PGAP6: variants seen among roughly 807,000 people sequenced by gnomAD.
The protein encoded by PGAP6 is post-GPI attachment to proteins factor 6.
In PGAP6, 62 loss-of-function variants were observed where a neutral mutation model predicts 68.4. The observed-to-expected ratio is 0.91, with a 90% CI of 0.74 to 1.12. The LOEUF is 1.12. Among genes scored for constraint, PGAP6 ranks in the 50% most tolerant of loss-of-function variants. The pLI, the probability that PGAP6 is intolerant of heterozygous loss-of-function variation, is 0.00. For missense variants in PGAP6, 1,188 were observed against 1,068.5 expected (o/e 1.11, Z -1.56); for synonymous variants, 575 against 474.0 (o/e 1.21, Z -2.77).
chr16:376,274 G>A lies in PGAP6; in HGVS notation c.1086C>T (p.Asp362=), dbSNP rs774485091. 3.8e-5 allele frequency: 62 copies of A among 1,612,692 alleles called. No individual in the cohort carries two copies. Among genetic ancestry groups the A allele is most frequent in the African/African-American group, 2.4e-4 (18 of 74,906 alleles). The change falls in exon 6 of 13, where the codon GAC becomes GAT. Residue 362 remains aspartate (D), a synonymous_variant. Transcript: ENST00000431232. ...GGGGCTGGAAGTGCACCGACACCAC[G>A]TCCATGTCCTCCCGCGTGACTGGGT... The part of the protein sequence containing the change: ...TNYPVTREDM[D]VVSVHFQPLD...
chr16:379,773 A>AGCCCCTCCAG (rs2054422592), intron 1 of PGAP6, among the ~76,000 whole-genome samples: 1 of 152,060 alleles, frequency 6.6e-6, no homozygotes, highest in Admixed American at 6.5e-5. Context: ...CAGGGCTCAC[A>AGCCCCTCCAG]GCCCCTCCAG....
At chr16:385,227 TGCA>T (rs2054473618), upstream of PGAP6, among the ~76,000 whole-genome samples, 3 of 151,870 alleles carry the variant, frequency 2.0e-5, no homozygotes, top group African/African-American at 7.2e-5. Context: ...CAAGGATGTT[TGCA>T]GCAGAACTGC....
upstream of PGAP6, chr16:386,932 G>A (rs769143362): frequency 2.9e-5 from 17 of 589,032 alleles, no homozygotes; most frequent in Middle Eastern, 2.9e-4. Flanking sequence ...CGCCGGAGGC[G>A]GCCTGAATAT....
chr16:380,912 A>T (rs1386941533), intron 1 of PGAP6, among the ~76,000 whole-genome samples: 1 of 152,152 alleles, frequency 6.6e-6, no homozygotes, highest in Non-Finnish European at 1.5e-5. Context: ...GCCAGAAAGG[A>T]CACGGCCCCT....
rs370754735 is a variant in PGAP6, at chr16:374,276, C to G, written c.1700G>C (p.Arg567Pro). The G allele has an allele frequency of 1.2e-6, 2 of 1,607,444 alleles. No individual in the cohort carries two copies. The change falls in exon 10 of 13, where the codon CGG becomes CCG. Residue 567 changes from arginine (R) to proline (P), a missense_variant. Transcript: ENST00000431232. Reference protein sequence around the residue: ...MFLAPIAVSVRRFFLVEASVY... With the variant: ...MFLAPIAVSVPRFFLVEASVY... ...GGAGGCCTCCACCAGGAAGAATCGC[C>G]GCACTGAGACGGCGATGGGGGCCAG...
rs1429411750 is a variant in PGAP6 at position 371,760 on chromosome 16, A to G, written c.*227T>C. ...CCAGGCCCCAGGGGCCACTGCAGAC[A>G]GCAGCTGGGATCTGCAGAGGGATCT... On this transcript the variant is annotated 3_prime_UTR_variant, in exon 13 of 13. Transcript: ENST00000431232. The G allele has an allele frequency of 4.1e-5, 22 of 541,686 alleles. No individual in the cohort carries two copies. Among genetic ancestry groups the G allele is most frequent in the Non-Finnish European group, 3.3e-6 (1 of 302,058 alleles). The allele number at this position is 541,686 out of a possible 1,614,324, so 33.6% of individuals were successfully genotyped here.
At chr16:382,821 G>A (rs1436476873), upstream of PGAP6, among the ~76,000 whole-genome samples, 1 of 152,110 alleles carries the variant, frequency 6.6e-6, no homozygotes, top group African/African-American at 2.4e-5. Flanking sequence ...ACTGGGAGGT[G>A]GGGGACACAG....
At chr16:372,816 T>A (rs961475769) in intron 11 of PGAP6, 89 bp from the exon 12 acceptor site, 18 of 906,360 alleles carry the variant, frequency 2.0e-5, no homozygotes, top group South Asian at 3.1e-5. Flanking sequence ...CCACAGCACC[T>A]CTGCCTGCCC....
In PGAP6 at chr16:374,767, C is replaced by T. The variant is rs2054365779; in HGVS notation, c.1565G>A (p.Ser522Asn). 2.5e-6 allele frequency: 4 copies of T among 1,612,528 alleles called. 1 individual carries two copies. The South Asian group carries it at 4.4e-5, about 18-fold the overall frequency. The change falls in exon 9 of 13, where the codon AGC (serine) becomes AAC (asparagine). Residue 522 changes from serine (S) to asparagine (N), a missense_variant. By Grantham distance (46) the Ser-to-Asn change is conservative. Coordinates refer to ENST00000431232, the MANE Select transcript of PGAP6 (RefSeq NM_021259.3). ...RRHSYLYASC[S>N]CKAGWRGWSC... ...GCCCTGGCACTCACCTGCCTTGCAG[C>T]TGCAGCTGGCATACAGGTAGCTGTG... is the stretch of plus-strand genomic sequence containing the variant.
At chr16:372,385 A>G in intron 12 of PGAP6, 102 bp from the exon 13 acceptor site, 1 of 1,323,098 alleles carries the variant, frequency 7.6e-7, no homozygotes, top group South Asian at 1.3e-5. Flanking sequence ...AGGTCTGGGC[A>G]GCAGAACGAC....
At chr16:383,654 G>A (rs891133113), upstream of PGAP6, among the ~76,000 whole-genome samples, 3 of 152,238 alleles carry the variant, frequency 2.0e-5, no homozygotes, top group Non-Finnish European at 4.4e-5. Context: ...TGTGTTCAAA[G>A]CTCTACCATT....
At chr16:380,645 C>A (rs746541834) in intron 1 of PGAP6, among the ~76,000 whole-genome samples, 1 of 152,240 alleles carries the variant, frequency 6.6e-6, no homozygotes, top group Non-Finnish European at 1.5e-5. Context: ...GGATTGCAGG[C>A]GTGAGCTTCG....
In PGAP6 at chr16:377,045, G is replaced by A. The variant is rs531457842; in HGVS notation, c.627C>T (p.Ser209=). 1.2e-6 allele frequency: 2 copies of A among 1,613,016 alleles called. No homozygotes were observed. The highest frequency in any genetic ancestry group is 2.2e-5 in the East Asian group (1 of 44,878). The change falls in exon 4 of 13, where the codon AGC becomes AGT. Residue 209 remains serine (S), a synonymous_variant. Coordinates refer to ENST00000431232, the MANE Select transcript of PGAP6 (RefSeq NM_021259.3). ...CCCAGGCCCCCGCTCACTTGAGGTA[G>A]CTGGGATGGGAGAGGAGGGTCTGAG... is the stretch of plus-strand genomic sequence containing the variant. The part of the protein sequence containing the change: ...PLPQTLLSHP[S]YLKVFVPDYT...
intron 11 of PGAP6, 36 bp from the exon 12 acceptor site, chr16:372,763 C>G: frequency 6.6e-7 from 1 of 1,516,996 alleles, no homozygotes; most frequent in South Asian, 1.2e-5. Context: ...AGGGACGTCT[C>G]TGAGGGCTCA....
chr16:377,860 A>C lies in PGAP6; in HGVS notation c.122-12T>G, dbSNP rs116346411. On this transcript the variant is annotated splice_polypyrimidine_tract_variant and intron_variant, in intron 1 of 12. Transcript: ENST00000431232. ...CACCAGCCCCACCTCTGTGAGGAGA[A>C]GGAGGTGTCAGCCAGGCCGGGACCC... 2.6e-3 allele frequency: 4,067 copies of C among 1,547,842 alleles called. 97 individuals are homozygous for C. The African/African-American group carries it at 0.047, about 18-fold the overall frequency.
upstream of PGAP6, chr16:382,091 A>AGCGG (rs2054447717): frequency 1.3e-4 from 38 of 282,620 alleles, 2 homozygotes; most frequent in African/African-American, 9.0e-4. Flanking sequence ...GGGCGCCGGT[A>AGCGG]GGGGGGAGGG....
rs1284656386 is a variant in PGAP6, at chr16:377,366, A to G, written c.507+12T>C. 1 of 1,577,492 alleles carries G rather than the reference A, an allele frequency of 6.3e-7. No homozygotes were observed. Among genetic ancestry groups the G allele is most frequent in the South Asian group, 1.1e-5 (1 of 88,088 alleles). ...GTTCTCTGCCTCCATCCCGGAGGGC[A>G]GCCCCCCTCACCTTCAACTCGATCT... On this transcript the variant is annotated intron_variant, in intron 3 of 12. Coordinates refer to ENST00000431232, the MANE Select transcript of PGAP6 (RefSeq NM_021259.3).
chr16:374,920 G>A (rs1254151664), intron 8 of PGAP6, 28 bp from the exon 9 acceptor site: 8 of 1,611,996 alleles, frequency 5.0e-6, no homozygotes, highest in South Asian at 4.4e-5. Context: ...CAGGAAAGCT[G>A]GTGCAGTGAT....
chr16:377,310 G>A (rs902755897), intron 3 of PGAP6, 68 bp downstream of exon 3: 2 of 1,551,074 alleles, frequency 1.3e-6, no homozygotes, highest in Admixed American at 3.8e-5. Context: ...CCCCAAAGAG[G>A]TGAACGGCAG....
Sources: gnomAD v4.1 joint callset for allele counts (sites outside exome capture counted in the v4.1 genomes callset) on GRCh38, gnomAD v4.1.1 for gene constraint, MANE v1.5 for transcripts, NCBI Gene and HGNC (gene_info 2026-07-23, HGNC 2026-07-21) for gene names.